ACTN1: variants seen among roughly 807,000 people sequenced by gnomAD.
The protein encoded by ACTN1 is actinin alpha 1, also known as alpha-actinin-1.
ACTN1 carries 30 observed loss-of-function variants against 119.6 expected under a neutral mutation model. The observed-to-expected ratio is 0.25, with a 90% CI of 0.19 to 0.34. ACTN1 has a LOEUF of 0.34. ACTN1 is among the 10% of genes least tolerant of loss of function. The pLI, the probability that ACTN1 is intolerant of heterozygous loss-of-function variation, is 1.00. For synonymous variants in ACTN1, 429 were observed against 472.6 expected, an observed-to-expected ratio of 0.91 and a Z score of 1.20; for missense variants, 764 against 1,223.4, an observed-to-expected ratio of 0.62 and a Z score of 5.60.
chr14:68,904,543 G>A, intron 7 of ACTN1, 112 bp downstream of exon 7: 1 of 887,386 alleles, frequency 1.1e-6, no homozygotes, highest in East Asian at 2.5e-5. Flanking sequence ...TGCGGTCCCA[G>A]AAGACCAGGC....
intron 1 of ACTN1, among the ~76,000 whole-genome samples, chr14:68,953,825 GC>G (rs2036258001): frequency 6.6e-6 from 1 of 151,232 alleles, no homozygotes; most frequent in African/African-American, 2.4e-5. Flanking sequence ...AGGTGGAGTT[GC>G]AGTGAGCCAA....
intron 8 of ACTN1, among the ~76,000 whole-genome samples, chr14:68,898,415 G>A (rs542597385): frequency 5.9e-5 from 9 of 152,198 alleles, no homozygotes; most frequent in Admixed American, 5.2e-4. Context: ...ACAGGCACAC[G>A]AGCTGTGCAC....
intron 4 of ACTN1, among the ~76,000 whole-genome samples, chr14:68,910,394 G>A (rs1202859638): frequency 6.6e-6 from 1 of 151,576 alleles, no homozygotes; most frequent in Non-Finnish European, 1.5e-5. Flanking sequence ...GATTTGATCT[G>A]GGAAATCTAC....
At chr14:68,923,321 G>C (rs910051402) in intron 2 of ACTN1, among the ~76,000 whole-genome samples, 1 of 152,294 alleles carries the variant, frequency 6.6e-6, no homozygotes, top group Admixed American at 6.5e-5. Flanking sequence ...GGGTATTATA[G>C]GTGCTGGGGA....
At chr14:68,921,217 T>G in intron 2 of ACTN1, 92 bp from the exon 3 acceptor site, 1 of 1,511,258 alleles carries the variant, frequency 6.6e-7, no homozygotes, top group South Asian at 1.2e-5. Flanking sequence ...AAAGCACAGC[T>G]TAGCTAGGCA....
chr14:68,928,274 C>A (rs1468169695), intron 1 of ACTN1, among the ~76,000 whole-genome samples: 1 of 152,188 alleles, frequency 6.6e-6, no homozygotes, highest in African/African-American at 2.4e-5. Context: ...CCTGGAAAAG[C>A]CAGGCTCAGC....
At position 68,874,638 on chromosome 14, in the gene ACTN1, A is replaced by G. The variant is rs2030626479; in HGVS notation, c.*221T>C. On this transcript the variant is annotated 3_prime_UTR_variant, in exon 22 of 22. Transcript: ENST00000394419. ...GAAAAAATACTTTTTCTATAATAAA[A>G]TATGTAGTTTTTTGGTTTTTAACGT... 2.5e-6 allele frequency: 1 copy of G among 400,440 alleles called. No homozygotes were observed. Among genetic ancestry groups the G allele is most frequent in the Admixed American group, 4.3e-5 (1 of 23,176 alleles). The allele number at this position is 400,440 out of a possible 1,614,324, so 24.8% of individuals were successfully genotyped here.
chr14:68,923,321 G>A (rs910051402), intron 2 of ACTN1, among the ~76,000 whole-genome samples: 7 of 152,174 alleles, frequency 4.6e-5, no homozygotes, highest in African/African-American at 1.7e-4. Flanking sequence ...GGGTATTATA[G>A]GTGCTGGGGA....
At chr14:68,875,298 T>G (rs1046690061) in intron 21 of ACTN1, among the ~76,000 whole-genome samples, 2 of 152,270 alleles carry the variant, frequency 1.3e-5, no homozygotes. Context: ...TATAATCATC[T>G]TCTGAATCAC....
At chr14:68,893,066 C>T (rs567952317) in intron 9 of ACTN1, among the ~76,000 whole-genome samples, 9 of 152,208 alleles carry the variant, frequency 5.9e-5, no homozygotes, top group East Asian at 1.9e-4. Flanking sequence ...CCAGAACCTG[C>T]GTTCTTACTA....
intron 21 of ACTN1, among the ~76,000 whole-genome samples, chr14:68,875,993 C>T (rs1226109174): frequency 2.6e-5 from 4 of 152,120 alleles, no homozygotes; most frequent in Non-Finnish European, 5.9e-5. Context: ...GCTTCGCTAA[C>T]TGATTCTTTA....
At chr14:68,887,728 C>G in intron 11 of ACTN1, 1 of 1,374,058 alleles carries the variant, frequency 7.3e-7, no homozygotes, top group Non-Finnish European at 1.0e-6. Flanking sequence ...AAAAAATATT[C>G]CTCTGGATTG....
At chr14:68,928,515 G>A (rs1432416663) in intron 1 of ACTN1, among the ~76,000 whole-genome samples, 4 of 152,128 alleles carry the variant, frequency 2.6e-5, no homozygotes, top group Non-Finnish European at 4.4e-5. Flanking sequence ...TGCACTTCGG[G>A]ACGCATCAGA....
intron 13 of ACTN1, 39 bp downstream of exon 13, chr14:68,884,736 G>C (rs1157875476): frequency 2.6e-6 from 4 of 1,538,094 alleles, no homozygotes. Flanking sequence ...CCACAGGGCT[G>C]CCGGATATGG....
Position 68,893,694 on chromosome 14 carries a change from G to A in ACTN1, c.816C>T (p.Asn272=), listed in dbSNP as rs745935836. The A allele has an allele frequency of 8.7e-6, 14 of 1,614,016 alleles. No homozygotes were observed. Among genetic ancestry groups the A allele is most frequent in the South Asian group, 3.3e-5 (3 of 91,084 alleles). Residue 272 remains asparagine, a synonymous_variant, in exon 9 of 22, where the codon AAC becomes AAT. Coordinates refer to ENST00000394419, the MANE Select transcript of ACTN1 (RefSeq NM_001130004.2). ...TCTCGTAGTCTTCCATAAGCTGCTC[G>A]TTCTCCTGGTTGACGGCCAACACCT... The part of the protein sequence containing the change: ...ICKVLAVNQE[N]EQLMEDYEKL...
chr14:68,935,220 C>T (rs566329010), intron 1 of ACTN1, among the ~76,000 whole-genome samples: 62 of 151,522 alleles, frequency 4.1e-4, no homozygotes, highest in Admixed American at 6.6e-4. Flanking sequence ...GATGGGGTTT[C>T]TCCATATTGG....
At chr14:68,960,439 T>C (rs183897078) in intron 1 of ACTN1, among the ~76,000 whole-genome samples, 334 of 152,312 alleles carry the variant, frequency 2.2e-3, no homozygotes, top group Non-Finnish European at 2.7e-3. Flanking sequence ...AGTGTACATG[T>C]CTATCAAATC....
At chr14:68,915,135 A>G (rs1320263171) in intron 3 of ACTN1, among the ~76,000 whole-genome samples, 1 of 152,060 alleles carries the variant, frequency 6.6e-6, no homozygotes, top group Non-Finnish European at 1.5e-5. Context: ...CCCAGACCCC[A>G]TATCACCCTC....
Position 68,880,963 on chromosome 14 carries a change from C to T in ACTN1, c.1980G>A (p.Met660Ile), listed in dbSNP as rs1409360640. The change falls in exon 17 of 22, where the codon ATG becomes ATA. Residue 660 changes from methionine to isoleucine, a missense_variant. By Grantham distance (10) the Met-to-Ile change is conservative (BLOSUM62 1). Coordinates refer to ENST00000394419, the MANE Select transcript of ACTN1 (RefSeq NM_001130004.2). The surrounding 1 kb of genome is among the most constrained non-coding windows in gnomAD (Gnocchi z 4.6). Reference protein sequence around the residue: ...MEEIGRISIEMHGTLEDQLSH... With the variant: ...MEEIGRISIEIHGTLEDQLSH... Reference sequence around the variant, plus strand: ...TGAGCTGGTCCTCCAGGGTCCCATGCATCTCAATGGAGATCCTCCCGATCT... The same window carrying T: ...TGAGCTGGTCCTCCAGGGTCCCATGTATCTCAATGGAGATCCTCCCGATCT... 3 of 1,614,160 alleles carry T rather than the reference C, an allele frequency of 1.9e-6. No homozygotes were observed. Among genetic ancestry groups the T allele is most frequent in the African/African-American group, 1.3e-5 (1 of 75,034 alleles).
Sources: gnomAD v4.1 joint callset for allele counts (sites outside exome capture counted in the v4.1 genomes callset) on GRCh38, gnomAD v4.1.1 for gene constraint, Gnocchi (gnomAD v3.1) non-coding constraint, MANE v1.5 for transcripts, NCBI Gene and HGNC (gene_info 2026-07-23, HGNC 2026-07-21) for gene names.